Variants in SCGB2B2 observed in about 807,000 individuals in gnomAD.
The protein encoded by SCGB2B2 is secretoglobin-like protein.
SCGB2B2 carries 11 observed loss-of-function variants against 7.6 expected under a neutral mutation model. That is an observed-to-expected ratio of 1.45 (90% confidence interval 0.91 to 2.40). The LOEUF (loss-of-function observed/expected upper bound fraction) is 2.40, where lower values mean the gene tolerates loss of function less well. Among genes scored for constraint, SCGB2B2 ranks in the 30% most tolerant of loss-of-function variants. The pLI is 0.00. For synonymous variants in SCGB2B2, 50 were observed against 48.6 expected (o/e 1.03, Z -0.12); for missense variants, 104 against 115.4 (o/e 0.90, Z 0.45).
At chr19:34,635,964 C>CGGGGT (rs2066665179) in intron 1 of SCGB2B2, among the ~76,000 whole-genome samples, 1 of 152,182 alleles carries the variant, frequency 6.6e-6, no homozygotes, top group Admixed American at 6.5e-5. Context: ...AGTTTGTGCC[C>CGGGGT]GGGGTGTATT....
intron 1 of SCGB2B2, among the ~76,000 whole-genome samples, chr19:34,669,999 G>A (rs1007235920): frequency 1.3e-5 from 2 of 152,118 alleles, no homozygotes; most frequent in Admixed American, 1.3e-4. Context: ...GAATAATCCC[G>A]GCAGGCTTTG....
At chr19:34,634,094 T>C (rs1485399776) in intron 1 of SCGB2B2, among the ~76,000 whole-genome samples, 1 of 152,322 alleles carries the variant, frequency 6.6e-6, no homozygotes, top group African/African-American at 2.4e-5. Flanking sequence ...CCATTGACCT[T>C]GTGCACAGGA....
chr19:34,597,141 C>A (rs1007737001), intron 1 of SCGB2B2, among the ~76,000 whole-genome samples: 114 of 151,936 alleles, frequency 7.5e-4, no homozygotes, highest in African/African-American at 2.6e-3. Context: ...CAGCCACTCA[C>A]CTGTGACTCC....
intron 1 of SCGB2B2, among the ~76,000 whole-genome samples, chr19:34,652,612 A>G (rs1339246837): frequency 2.0e-5 from 3 of 151,342 alleles, no homozygotes; most frequent in South Asian, 2.1e-4. Context: ...AAAATGCTCA[A>G]CATCACTCAT....
At chr19:34,620,740 A>T (rs2066219710) in intron 1 of SCGB2B2, among the ~76,000 whole-genome samples, 1 of 152,240 alleles carries the variant, frequency 6.6e-6, no homozygotes, top group Non-Finnish European at 1.5e-5. Flanking sequence ...ATGAGTTGGC[A>T]GTGAAATTGG....
At chr19:34,614,939 C>T (rs1568432223) in intron 1 of SCGB2B2, among the ~76,000 whole-genome samples, 1 of 152,138 alleles carries the variant, frequency 6.6e-6, no homozygotes, top group Non-Finnish European at 1.5e-5. Context: ...ACAGTGGTTG[C>T]TTAGGTTGTT....
chr19:34,607,437 T>C (rs1317515079), intron 1 of SCGB2B2, among the ~76,000 whole-genome samples: 1 of 152,202 alleles, frequency 6.6e-6, no homozygotes, highest in Non-Finnish European at 1.5e-5. Flanking sequence ...TGCCTATCTA[T>C]TGATGTTATT....
chr19:34,625,798 T>C (rs1226473943), intron 1 of SCGB2B2, among the ~76,000 whole-genome samples: 2 of 152,202 alleles, frequency 1.3e-5, no homozygotes, highest in East Asian at 3.9e-4. Flanking sequence ...CAGCTTGAGA[T>C]CTGAGAACGG....
At chr19:34,616,223 C>G (rs1356006225) in intron 1 of SCGB2B2, among the ~76,000 whole-genome samples, 1 of 151,204 alleles carries the variant, frequency 6.6e-6, no homozygotes, top group Non-Finnish European at 1.5e-5. Flanking sequence ...ATCACTGGGT[C>G]AAATGGTATT....
intron 1 of SCGB2B2, among the ~76,000 whole-genome samples, chr19:34,642,714 CAAAAAAAAAAA>C (rs55922005): frequency 2.5e-4 from 10 of 39,880 alleles, no homozygotes; most frequent in African/African-American, 9.0e-4. Context: ...GACTCCGTCT[CAAAAAAAAAAA>C]AAAAAAAAAA....
At chr19:34,604,468 C>T (rs913383506) in intron 1 of SCGB2B2, among the ~76,000 whole-genome samples, 1 of 152,230 alleles carries the variant, frequency 6.6e-6, no homozygotes, top group Non-Finnish European at 1.5e-5. Context: ...TGCTCACCAT[C>T]TAGCCGAGCC....
At chr19:34,637,253 C>T (rs574653624) in intron 1 of SCGB2B2, among the ~76,000 whole-genome samples, 1 of 152,298 alleles carries the variant, frequency 6.6e-6, no homozygotes, top group East Asian at 1.9e-4. Context: ...CTCCTGGCCC[C>T]CATCTCCTTC....
At chr19:34,657,739 A>G (rs1442854317) in intron 1 of SCGB2B2, among the ~76,000 whole-genome samples, 1 of 151,172 alleles carries the variant, frequency 6.6e-6, no homozygotes, top group African/African-American at 2.4e-5. Context: ...CTCTGCACCA[A>G]GCGGACCTAA....
intron 1 of SCGB2B2, among the ~76,000 whole-genome samples, chr19:34,659,337 A>G (rs1217503627): frequency 3.9e-5 from 6 of 152,208 alleles, no homozygotes; most frequent in Non-Finnish European, 8.8e-5. Context: ...TTAGGAAAAG[A>G]GGAGTCAAAT....
At chr19:34,645,710 A>T in intron 1 of SCGB2B2, 1 of 426,516 alleles carries the variant, frequency 2.3e-6, no homozygotes. Flanking sequence ...TCTAATCTGC[A>T]GCGTCCAGCT....
intron 1 of SCGB2B2, among the ~76,000 whole-genome samples, chr19:34,647,839 G>A (rs900199094): frequency 3.9e-5 from 6 of 152,214 alleles, no homozygotes; most frequent in African/African-American, 1.2e-4. Flanking sequence ...GACTGGCTTG[G>A]GGTGCCACAT....
At chr19:34,658,898 T>C (rs1162496711) in intron 1 of SCGB2B2, among the ~76,000 whole-genome samples, 1 of 150,598 alleles carries the variant, frequency 6.6e-6, no homozygotes, top group Non-Finnish European at 1.5e-5. Flanking sequence ...AATAAAATAC[T>C]GGCAAACCGA....
Position 34,594,868 on chromosome 19 carries a change from C to T in SCGB2B2, c.-305G>A, listed in dbSNP as rs1333380552. On this transcript the variant is annotated 5_prime_UTR_variant, in exon 2 of 4. It adds an upstream start codon to the 5' untranslated region. Transcript: ENST00000601241. ...CCTGGGATTGGGAGCAGGCTGAACA[C>T]TGGTGTAAGCCTGCAAGTCTGAGTG... 7 of 437,856 alleles carry T rather than the reference C, an allele frequency of 1.6e-5. No individual in the cohort carries two copies. Among genetic ancestry groups the T allele is most frequent in the Non-Finnish European group, 3.0e-5 (7 of 233,364 alleles). 27.1% of individuals were successfully genotyped at this position (437,856 alleles called of 1,614,324 possible). A position where few individuals can be genotyped will look rare whatever the true frequency, so the allele number is the denominator to read the frequency against.
rs182562608 is a variant in SCGB2B2, at chr19:34,652,529, G to A, written c.-2032+23101C>T. 1.7e-3 allele frequency among the ~76,000 whole-genome samples: 260 copies of A among 151,376 alleles called. 21 individuals carry two copies. The highest frequency in any genetic ancestry group is 6.2e-3 in the African/African-American group (251 of 40,698). Reference sequence around the variant, plus strand: ...CTCTCATAAGATGACACATACATATGGCCAACAGGTATTTTTAGATGAGAT... The same window carrying A: ...CTCTCATAAGATGACACATACATATAGCCAACAGGTATTTTTAGATGAGAT... On this transcript the variant is annotated intron_variant, in intron 1 of 3. Coordinates refer to ENST00000601241, the MANE Select transcript of SCGB2B2 (RefSeq NM_001025591.4).
Sources: gnomAD v4.1 joint callset for allele counts (sites outside exome capture counted in the v4.1 genomes callset) on GRCh38, gnomAD v4.1.1 for gene constraint, MANE v1.5 for transcripts, NCBI Gene and HGNC (gene_info 2026-07-23, HGNC 2026-07-21) for gene names.